Variants in ITGB2 observed in about 807,000 individuals in gnomAD.
ITGB2 encodes the protein integrin beta-2.
ITGB2 carries 56 observed loss-of-function variants against 86.8 expected under a neutral mutation model. That is an observed-to-expected ratio of 0.65 (90% confidence interval 0.52 to 0.81). The LOEUF (loss-of-function observed/expected upper bound fraction) is 0.81, where lower values mean the gene tolerates loss of function less well. ITGB2 is among the 30% of genes least tolerant of loss of function. The pLI is 0.00. For synonymous variants in ITGB2, 457 were observed against 450.4 expected, an observed-to-expected ratio of 1.01 and a Z score of -0.19; for missense variants, 948 against 1,061.2, an observed-to-expected ratio of 0.89 and a Z score of 1.48.
At chr21:44,914,565 A>C (rs1206299426) in intron 1 of ITGB2, among the ~76,000 whole-genome samples, 1 of 152,208 alleles carries the variant, frequency 6.6e-6, no homozygotes, top group Non-Finnish European at 1.5e-5. Flanking sequence ...GACCTGCAGC[A>C]GATCCGGGCC....
chr21:44,903,097 A>T (rs1051374080), intron 5 of ITGB2, among the ~76,000 whole-genome samples: 1 of 152,238 alleles, frequency 6.6e-6, no homozygotes, highest in Non-Finnish European at 1.5e-5. Context: ...TTTTAAACAT[A>T]CCAAGAAATA....
At chr21:44,918,262 C>A (rs1224025968) in intron 1 of ITGB2, among the ~76,000 whole-genome samples, 1 of 152,242 alleles carries the variant, frequency 6.6e-6, no homozygotes, top group African/African-American at 2.4e-5. Flanking sequence ...GGCAGGACCA[C>A]GGTTCTCTGA....
chr21:44,893,609 A>C, intron 9 of ITGB2, 65 bp from the exon 10 acceptor site: 1 of 1,603,206 alleles, frequency 6.2e-7, no homozygotes, highest in Non-Finnish European at 8.5e-7. Context: ...TGCCTGGCCC[A>C]GCGGTTTAGA....
chr21:44,894,643 C>G (rs1035331432), intron 9 of ITGB2: 5 of 394,228 alleles, frequency 1.3e-5, no homozygotes, highest in Non-Finnish European at 2.4e-5. Context: ...CCTCCTCCTG[C>G]CCCAGCTGCA....
intron 6 of ITGB2, among the ~76,000 whole-genome samples, chr21:44,901,209 C>T (rs1693258257): frequency 6.6e-6 from 1 of 152,202 alleles, no homozygotes; most frequent in African/African-American, 2.4e-5. Context: ...CTTGGCCGCT[C>T]GCAAAATGTT....
chr21:44,893,082 A>AC (rs1356061133), intron 10 of ITGB2: 5 of 352,426 alleles, frequency 1.4e-5, no homozygotes, highest in Non-Finnish European at 2.2e-5. Flanking sequence ...CCCTCCCAGC[A>AC]CCCTCTCACT....
chr21:44,916,229 C>A (rs1185081409), intron 1 of ITGB2, among the ~76,000 whole-genome samples: 1 of 152,040 alleles, frequency 6.6e-6, no homozygotes, highest in African/African-American at 2.4e-5. Context: ...CCTGATAGCA[C>A]AAATTTTAAA....
rs576391013 is a variant in ITGB2, at chr21:44,895,166, C to T, written c.994-106G>A. On this transcript the variant is annotated intron_variant, in intron 8 of 15. Coordinates refer to ENST00000652462, the MANE Select transcript of ITGB2 (RefSeq NM_000211.5). ...TTCTGCACCTGCAAAATGGCTGGGA[C>T]GGTCCTCAACGCAGTTTTGCACTTG... is the stretch of plus-strand genomic sequence containing the variant. 9.7e-4 allele frequency: 789 copies of T among 817,370 alleles called. 11 individuals carry two copies. The Middle Eastern group carries it at 0.012, about 12-fold the overall frequency. The allele number at this position is 817,370 out of a possible 1,614,324, so 50.6% of individuals were successfully genotyped here.
At chr21:44,886,606 A>C in intron 15 of ITGB2, 130 bp downstream of exon 15, 1 of 1,469,378 alleles carries the variant, frequency 6.8e-7, no homozygotes, top group Non-Finnish European at 9.5e-7. Flanking sequence ...GCGGACGCCC[A>C]GAGGACAAGC....
chr21:44,900,578 C>G, intron 6 of ITGB2, 103 bp from the exon 7 acceptor site: 1 of 1,420,920 alleles, frequency 7.0e-7, no homozygotes, highest in Non-Finnish European at 9.8e-7. Context: ...GGCCCGGAGG[C>G]TGGTGTGGGT....
Position 44,911,213 on chromosome 21 carries a change from C to A in ITGB2, c.-3-428G>T, listed in dbSNP as rs144576812. On this transcript the variant is annotated intron_variant, in intron 1 of 15. Transcript: ENST00000652462. ...ATATGTACACACAGAGATGTATACA[C>A]CCCTTACCCACACCATACTCCCCGC... 2.2e-3 allele frequency: 661 copies of A among 296,514 alleles called. 11 individuals are homozygous for A. The highest frequency in any genetic ancestry group is 0.022 in the Admixed American group (473 of 21,774). 18.4% of individuals were successfully genotyped at this position (296,514 alleles called of 1,614,324 possible). A position where few individuals can be genotyped will look rare whatever the true frequency, so the allele number is the denominator to read the frequency against.
chr21:44,908,908 C>A (rs187225592), intron 3 of ITGB2, among the ~76,000 whole-genome samples: 1 of 152,130 alleles, frequency 6.6e-6, no homozygotes, highest in Non-Finnish European at 1.5e-5. Flanking sequence ...CCAGACCCAG[C>A]GGATTTGAGC....
chr21:44,893,120 C>G, intron 10 of ITGB2: 1 of 394,288 alleles, frequency 2.5e-6, no homozygotes, highest in South Asian at 2.2e-5. Context: ...CACCCTCTCA[C>G]TGACGTTCCT....
chr21:44,910,474 G>A lies in ITGB2; in HGVS notation c.59-102C>T, dbSNP rs117163067. Reference sequence around the variant, plus strand: ...GTCAGAGGAGGCCCAAAAAGACAGGGAGGCAGCCTCCAGGAGGAGACCCCG... The same window carrying A: ...GTCAGAGGAGGCCCAAAAAGACAGGAAGGCAGCCTCCAGGAGGAGACCCCG... On this transcript the variant is annotated intron_variant, in intron 2 of 15. Transcript: ENST00000652462. 4.8e-3 allele frequency: 7,577 copies of A among 1,585,846 alleles called. 27 individuals are homozygous for A. Among genetic ancestry groups the A allele is most frequent in the Non-Finnish European group, 5.9e-3 (6,885 of 1,165,696 alleles).
chr21:44,887,027 C>G, intron 14 of ITGB2, 125 bp from the exon 15 acceptor site: 1 of 1,090,024 alleles, frequency 9.2e-7, no homozygotes, highest in Non-Finnish European at 1.3e-6. Flanking sequence ...GGCCCCGGCT[C>G]ACCATCCATC....
rs1241724439 is a variant in ITGB2 at position 44,890,083 on chromosome 21, G to C, written c.1552C>G (p.Leu518Val). 3.7e-6 allele frequency: 6 copies of C among 1,613,526 alleles called. No individual in the cohort carries two copies. The highest frequency in any genetic ancestry group is 3.4e-6 in the Non-Finnish European group (4 of 1,180,022). ...GLGDCVCGQCLCHTSDVPGKL... is the reference protein window; with the variant it reads ...GLGDCVCGQCVCHTSDVPGKL... The stretch of plus-strand genomic sequence containing the variant: ...CCGGGGACGTCGCTGGTGTGGCACA[G>C]GCACTGCCCGCAGACACAGTCCCCC... The change falls in exon 12 of 16, where the codon CTG (leucine) becomes GTG (valine). Residue 518 changes from leucine to valine, a missense_variant. Coordinates refer to ENST00000652462, the MANE Select transcript of ITGB2 (RefSeq NM_000211.5).
At position 44,889,871 on chromosome 21, in the gene ITGB2, A is replaced by G. The variant is rs2083760158; in HGVS notation, c.1657+107T>C. The stretch of plus-strand genomic sequence containing the variant: ...GGCGAGACTTGCACTGTCTGTCCTC[A>G]GGATCCCCCCTTTCTGTTCCACTCG... On this transcript the variant is annotated intron_variant, in intron 12 of 15. Coordinates refer to ENST00000652462, the MANE Select transcript of ITGB2 (RefSeq NM_000211.5). The G allele has an allele frequency of 2.7e-6, 4 of 1,499,866 alleles. No individual in the cohort carries two copies. The Admixed American group carries it at 6.7e-5, about 25-fold the overall frequency. 92.9% of individuals were successfully genotyped at this position (1,499,866 alleles called of 1,614,324 possible).
At position 44,890,241 on chromosome 21, in the gene ITGB2, C is replaced by T; in HGVS notation, c.1413-19G>A. 6.2e-7 allele frequency: 1 copy of T among 1,612,646 alleles called. No individual in the cohort carries two copies. Among genetic ancestry groups the T allele is most frequent in the Non-Finnish European group, 8.5e-7 (1 of 1,180,002 alleles). On this transcript the variant is annotated intron_variant, in intron 11 of 15. Coordinates refer to ENST00000652462, the MANE Select transcript of ITGB2 (RefSeq NM_000211.5). ...GTCACACCTGGGGACAGGAGGGGCC[C>T]CAAGGTCAGGCTCCCCCCAGTGATG...
At chr21:44,907,122 A>G in intron 3 of ITGB2, 27 bp from the exon 4 acceptor site, 1 of 1,553,620 alleles carries the variant, frequency 6.4e-7, no homozygotes, top group Non-Finnish European at 8.8e-7. Flanking sequence ...AGGGGTCAGG[A>G]GGGGGCCACA....
Sources: gnomAD v4.1 joint callset for allele counts (sites outside exome capture counted in the v4.1 genomes callset) on GRCh38, gnomAD v4.1.1 for gene constraint, MANE v1.5 for transcripts, NCBI Gene and HGNC (gene_info 2026-07-23, HGNC 2026-07-21) for gene names.